The following GNB4 variants were observed in gnomAD, a reference collection of about 807,000 sequenced individuals.
GNB4 encodes G protein subunit beta 4, also known as guanine nucleotide-binding protein subunit beta-4.
In GNB4, 28 loss-of-function variants were observed where a neutral mutation model predicts 45.2. The observed-to-expected ratio is 0.62, with a 90% CI of 0.46 to 0.85. GNB4 has a LOEUF of 0.85. GNB4 is among the 40% of genes least tolerant of loss of function. The pLI is 0.00. For synonymous variants in GNB4, 132 were observed against 143.7 expected, an observed-to-expected ratio of 0.92 and a Z score of 0.58; for missense variants, 321 against 425.4, an observed-to-expected ratio of 0.75 and a Z score of 2.16.
At chr3:179,421,045 A>AT in intron 2 of GNB4, 118 bp from the exon 3 acceptor site, 1 of 625,460 alleles carries the variant, frequency 1.6e-6, no homozygotes, top group Non-Finnish European at 2.8e-6. Context: ...ATCTTTAAAA[A>AT]TTTTTTTAAT....
At chr3:179,505,367 A>G in the GNB4 span, among the ~76,000 whole-genome samples, 1 of 152,252 alleles carries the variant, frequency 6.6e-6, no homozygotes, top group African/African-American at 2.4e-5. Flanking sequence ...TGTGTGACAG[A>G]TAGTACCTCG....
the GNB4 span, among the ~76,000 whole-genome samples, chr3:179,466,698 T>C: frequency 3.3e-5 from 5 of 152,232 alleles, no homozygotes; most frequent in Non-Finnish European, 5.9e-5. Context: ...AAAAAATGAC[T>C]GACTTCCTGC....
chr3:179,422,136 ATATTAG>A (rs1714999296), intron 2 of GNB4, among the ~76,000 whole-genome samples: 1 of 152,250 alleles, frequency 6.6e-6, no homozygotes, highest in Admixed American at 6.5e-5. Flanking sequence ...GCTTACATTA[ATATTAG>A]TAACACAATT....
At chr3:179,457,375 T>C in the GNB4 span, among the ~76,000 whole-genome samples, 379 of 152,340 alleles carry the variant, frequency 2.5e-3, no homozygotes, top group African/African-American at 8.8e-3. Flanking sequence ...TTCCACTGGT[T>C]TTCCCCTTTG....
chr3:179,520,597 C>T, the GNB4 span, among the ~76,000 whole-genome samples: 1 of 152,190 alleles, frequency 6.6e-6, no homozygotes, highest in African/African-American at 2.4e-5. Context: ...CTTCCAGAAT[C>T]TATTTTCTTC....
In GNB4 at chr3:179,398,434, G is replaced by C. The variant is rs2108571991; in HGVS notation, c.*2779C>G. On this transcript the variant is annotated 3_prime_UTR_variant, in exon 10 of 10. Coordinates refer to ENST00000232564, the MANE Select transcript of GNB4 (RefSeq NM_021629.4). Reference sequence around the variant, plus strand: ...GGAGGCTGAGGCACAAGAATTGCTTGAACCCAGGAGGCAGAGGTTGAGGTT... The same window carrying C: ...GGAGGCTGAGGCACAAGAATTGCTTCAACCCAGGAGGCAGAGGTTGAGGTT... 2.6e-5 allele frequency: 4 copies of C among 151,736 alleles called. 1 individual carries two copies. In the Middle Eastern group the frequency reaches 0.01, roughly 390 times the overall value. 9.4% of individuals were successfully genotyped at this position (151,736 alleles called of 1,614,324 possible). A position where few individuals can be genotyped will look rare whatever the true frequency, so the allele number is the denominator to read the frequency against.
intron 9 of GNB4, among the ~76,000 whole-genome samples, 195 bp from the exon 10 acceptor site, chr3:179,401,514 T>G (rs1714301603): frequency 6.6e-6 from 1 of 152,240 alleles, no homozygotes; most frequent in South Asian, 2.1e-4. Context: ...GTAAGCTGGA[T>G]GTATTTATAA....
intron 1 of GNB4, among the ~76,000 whole-genome samples, chr3:179,430,304 G>A (rs545354219): frequency 6.9e-4 from 105 of 152,228 alleles, no homozygotes; most frequent in African/African-American, 2.4e-3. Context: ...GCCCAGGCTT[G>A]TCTCAAACTC....
the GNB4 span, among the ~76,000 whole-genome samples, chr3:179,480,854 CTTT>C: frequency 1.6e-5 from 2 of 124,998 alleles, no homozygotes; most frequent in African/African-American, 3.1e-5. Flanking sequence ...TTTTTTTTTT[CTTT>C]TTTTTTTTTT....
chr3:179,508,431 C>G, the GNB4 span, among the ~76,000 whole-genome samples: 1 of 152,184 alleles, frequency 6.6e-6, no homozygotes. Context: ...CTCTCAGCCT[C>G]GCAAGCGCTG....
chr3:179,413,822 TGA>T, intron 6 of GNB4, 41 bp from the exon 7 acceptor site: 1 of 1,423,924 alleles, frequency 7.0e-7, no homozygotes, highest in Non-Finnish European at 9.9e-7. Flanking sequence ...TATCACTGAT[TGA>T]ATAACTCAGT....
In GNB4 at chr3:179,432,854, C is replaced by T. The variant is rs185878604; in HGVS notation, c.-42-6612G>A. Among the ~76,000 whole-genome samples, 19 of 152,154 alleles carry T rather than the reference C, an allele frequency of 1.2e-4. 2 individuals are homozygous for T. Among genetic ancestry groups the T allele is most frequent in the African/African-American group, 2.4e-4 (10 of 41,498 alleles). On this transcript the variant is annotated intron_variant, in intron 1 of 9. Coordinates refer to ENST00000232564, the MANE Select transcript of GNB4 (RefSeq NM_021629.4). ...CCATAGTTTAATAAGAAACAGAAAT[C>T]AGGGAAGTGGCAAAAGGATGTCTGA...
At chr3:179,455,781 C>T (rs910956980), upstream of GNB4, among the ~76,000 whole-genome samples, 1 of 152,184 alleles carries the variant, frequency 6.6e-6, no homozygotes, top group South Asian at 2.1e-4. Context: ...GCTTGGCAGA[C>T]GTGTTCTCTG....
In GNB4 at chr3:179,405,284, A is replaced by G. The variant is rs1200702908; in HGVS notation, c.822T>C (p.Thr274=). The change falls in exon 9 of 10, where the codon ACT becomes ACC. Residue 274 remains threonine, a synonymous_variant. Coordinates refer to ENST00000232564, the MANE Select transcript of GNB4 (RefSeq NM_021629.4). ...GCCCACTTTTTGAGAAGGCTACAGA[A>G]GTGATTCCACAGATGATATTGTCAT... ...YSHDNIICGI[T]SVAFSKSGRL... The G allele has an allele frequency of 3.7e-6, 6 of 1,614,226 alleles. No homozygotes were observed. The East Asian group carries it at 1.3e-4, about 36-fold the overall frequency.
In GNB4 at chr3:179,398,759, G is replaced by T. The variant is rs1255606912; in HGVS notation, c.*2454C>A. 6.9e-6 allele frequency: 1 copy of T among 144,318 alleles called. No homozygotes were observed. Among genetic ancestry groups the T allele is most frequent in the East Asian group, 1.9e-4 (1 of 5,200 alleles). 8.9% of individuals were successfully genotyped at this position (144,318 alleles called of 1,614,324 possible). A position where few individuals can be genotyped will look rare whatever the true frequency, so the allele number is the denominator to read the frequency against. ...GGAGCCCCTATTATTAGAAAGCAAA[G>T]GTGTAACCATGAAGTAATTGTGGTA... On this transcript the variant is annotated 3_prime_UTR_variant, in exon 10 of 10. Coordinates refer to ENST00000232564, the MANE Select transcript of GNB4 (RefSeq NM_021629.4).
the GNB4 span, among the ~76,000 whole-genome samples, chr3:179,458,740 A>G: frequency 6.6e-6 from 1 of 152,078 alleles, no homozygotes; most frequent in Admixed American, 6.6e-5. Flanking sequence ...TTAAATTTTT[A>G]TATTCTTTTT....
the GNB4 span, among the ~76,000 whole-genome samples, chr3:179,520,047 C>G: frequency 5.9e-5 from 9 of 152,276 alleles, no homozygotes; most frequent in East Asian, 1.5e-3. Context: ...TGGTGGCACA[C>G]CCATATACTC....
chr3:179,454,451 C>A (rs1715948446), upstream of GNB4, among the ~76,000 whole-genome samples: 1 of 152,166 alleles, frequency 6.6e-6, no homozygotes, highest in African/African-American at 2.4e-5. Flanking sequence ...AGAAAGTGGT[C>A]ATTGCTTTTC....
At position 179,401,271 on chromosome 3, in the gene GNB4, T is replaced by A; in HGVS notation, c.965A>T (p.Asp322Val). ...GCCTGTTGCCACAGCCATGCCATCA[T>A]CAGTTACACCTAAGCAGCTCACACG... is the stretch of plus-strand genomic sequence containing the variant. The part of the protein sequence containing the change: ...DNRVSCLGVT[D>V]DGMAVATGSW... Residue 322 changes from aspartate to valine, a missense_variant, in exon 10 of 10, where the codon GAT (aspartate) becomes GTT (valine). Coordinates refer to ENST00000232564, the MANE Select transcript of GNB4 (RefSeq NM_021629.4). The A allele has an allele frequency of 6.2e-7, 1 of 1,613,912 alleles. No individual in the cohort carries two copies. The highest frequency in any genetic ancestry group is 8.5e-7 in the Non-Finnish European group (1 of 1,179,940).
Sources: allele counts gnomAD v4.1 joint callset (sites outside exome capture counted in the v4.1 genomes callset), GRCh38; gene constraint gnomAD v4.1.1; transcripts MANE v1.5; gene names NCBI Gene and HGNC (gene_info 2026-07-23, HGNC 2026-07-21).